C7: variants seen among roughly 807,000 people sequenced by gnomAD.
The protein encoded by C7 is complement C7.
C7 carries 83 observed loss-of-function variants against 104.8 expected under a neutral mutation model. The observed-to-expected ratio is 0.79, with a 90% CI of 0.66 to 0.95. C7 has a LOEUF of 0.95. C7 is among the 40% of genes least tolerant of loss of function. C7 has a pLI of 0.00. For missense variants in C7, 1,070 were observed against 1,011.2 expected (o/e 1.06, Z -0.79); for synonymous variants, 415 against 360.6 (o/e 1.15, Z -1.71).
At chr5:40,930,730 T>C (rs1052258978) in intron 2 of C7, among the ~76,000 whole-genome samples, 13 of 151,340 alleles carry the variant, frequency 8.6e-5, no homozygotes, top group Non-Finnish European at 3.0e-5. Context: ...GCCTGGCTAA[T>C]TTTTTTTGTA....
intron 9 of C7, 82 bp downstream of exon 9, chr5:40,950,096 A>T: frequency 2.6e-6 from 2 of 770,710 alleles, no homozygotes; most frequent in East Asian, 5.4e-5. Flanking sequence ...GCGTGAAGTT[A>T]TGTAGGTAAA....
At chr5:40,921,921 C>A (rs957721528) in intron 1 of C7, among the ~76,000 whole-genome samples, 2 of 151,572 alleles carry the variant, frequency 1.3e-5, no homozygotes, top group Non-Finnish European at 2.9e-5. Flanking sequence ...AACTGTAATC[C>A]CAGCTACTCA....
intron 6 of C7, 115 bp from the exon 7 acceptor site, chr5:40,945,083 T>G: frequency 1.6e-6 from 1 of 611,756 alleles, no homozygotes; most frequent in Non-Finnish European, 2.9e-6. Context: ...AGAGTCACAG[T>G]TGCTTTGTGC....
At chr5:40,943,593 T>C (rs945224789) in intron 6 of C7, among the ~76,000 whole-genome samples, 5 of 151,654 alleles carry the variant, frequency 3.3e-5, no homozygotes, top group Non-Finnish European at 7.4e-5. Flanking sequence ...AAGGGATGTG[T>C]ATAACTTTTC....
intron 17 of C7, among the ~76,000 whole-genome samples, chr5:40,980,951 G>A (rs1209791205): frequency 1.3e-5 from 2 of 152,162 alleles, no homozygotes; most frequent in African/African-American, 4.8e-5. Flanking sequence ...CTCATTTCTG[G>A]TTTGTTTTTT....
rs2111572128 is a variant in C7, at chr5:40,928,641, G to A, written c.62+6G>A. 2.6e-6 allele frequency: 4 copies of A among 1,526,222 alleles called. No individual in the cohort carries two copies. Among genetic ancestry groups the A allele is most frequent in the African/African-American group, 2.7e-5 (2 of 72,748 alleles). The allele number at this position is 1,526,222 out of a possible 1,614,324, so 94.5% of individuals were successfully genotyped here. On this transcript the variant is annotated splice_donor_region_variant and intron_variant, in intron 2 of 17. Transcript: ENST00000313164. ...GAGTTCCAAAGTTTTTCAAGGTGAG[G>A]ACTTTTTGGGTTGTGTGTAAAAATC...
chr5:40,941,816 T>C (rs1739942423), intron 6 of C7, among the ~76,000 whole-genome samples: 1 of 152,216 alleles, frequency 6.6e-6, no homozygotes, highest in Admixed American at 6.5e-5. Context: ...ATCTAAAGTA[T>C]GTCCAAGTGC....
intron 15 of C7, among the ~76,000 whole-genome samples, chr5:40,976,009 G>A (rs764993918): frequency 3.3e-5 from 5 of 152,212 alleles, no homozygotes; most frequent in Non-Finnish European, 7.3e-5. Flanking sequence ...TGAGGGGATG[G>A]CAGTCACATT....
chr5:40,917,582 G>A (rs1380680054), intron 1 of C7, among the ~76,000 whole-genome samples: 2 of 152,106 alleles, frequency 1.3e-5, no homozygotes, highest in African/African-American at 4.8e-5. Context: ...ATGCAGCAAT[G>A]AACATGGGAG....
intron 1 of C7, among the ~76,000 whole-genome samples, chr5:40,919,066 C>T (rs1474343069): frequency 1.3e-5 from 2 of 150,532 alleles, no homozygotes; most frequent in African/African-American, 4.9e-5. Context: ...GGACAGATAA[C>T]ATTTTAGGGG....
rs879324403 is a variant in C7 at position 40,924,760 on chromosome 5, G to A, written c.7-3820G>A. ...CCAAGGCTTACAGTTTGCACCTGCT[G>A]AAGCAGCAGCCCAAGCTGTATCTGG... On this transcript the variant is annotated intron_variant, in intron 1 of 17. Transcript: ENST00000313164. Among the ~76,000 whole-genome samples, 5 of 152,232 alleles carry A rather than the reference G, an allele frequency of 3.3e-5. No homozygotes were observed. The East Asian group carries it at 7.7e-4, about 23-fold the overall frequency.
Position 40,981,596 on chromosome 5 carries a change from T to G in C7, c.*23T>G. 6.3e-7 allele frequency: 1 copy of G among 1,580,426 alleles called. No individual in the cohort carries two copies. The highest frequency in any genetic ancestry group is 1.2e-5 in the South Asian group (1 of 86,902). On this transcript the variant is annotated 3_prime_UTR_variant, in exon 18 of 18. Transcript: ENST00000313164. ...TAGGCTCCTGGAGGCCCTGGTCAGC[T>G]TGCTTGGAATCCAGCAGGCAGCTGG...
At chr5:40,932,968 G>C (rs1319142748) in intron 3 of C7, among the ~76,000 whole-genome samples, 11 of 152,170 alleles carry the variant, frequency 7.2e-5, no homozygotes, top group Non-Finnish European at 1.3e-4. Context: ...TGGTAATATG[G>C]AGAAGAAAAA....
chr5:40,963,897 A>G (rs1346716210), intron 13 of C7, among the ~76,000 whole-genome samples: 1 of 152,138 alleles, frequency 6.6e-6, no homozygotes, highest in Non-Finnish European at 1.5e-5. Context: ...TGCTTCCCCT[A>G]AAAGTTATCA....
intron 6 of C7, among the ~76,000 whole-genome samples, 197 bp downstream of exon 6, chr5:40,937,887 G>A (rs1236898669): frequency 6.6e-6 from 1 of 152,116 alleles, no homozygotes; most frequent in African/African-American, 2.4e-5. Flanking sequence ...TTTAACATGT[G>A]TCATTCAAGC....
chr5:40,938,085 A>G (rs539122333), intron 6 of C7, among the ~76,000 whole-genome samples: 10 of 152,242 alleles, frequency 6.6e-5, no homozygotes, highest in Admixed American at 3.9e-4. Flanking sequence ...TTTCATATAT[A>G]CAAAAGGGTG....
intron 13 of C7, 53 bp downstream of exon 13, chr5:40,962,225 C>T (rs1286437060): frequency 2.9e-6 from 3 of 1,041,506 alleles, no homozygotes; most frequent in Admixed American, 4.5e-5. Context: ...TTCTATCTCT[C>T]TGCTGAGCCC....
rs150328693 is a variant in C7, at chr5:40,950,570, G to A, written c.1093+556G>A. Among the ~76,000 whole-genome samples, 521 of 152,194 alleles carry A rather than the reference G, an allele frequency of 3.4e-3. 1 individual carries two copies. The highest frequency in any genetic ancestry group is 0.012 in the African/African-American group (501 of 41,534). On this transcript the variant is annotated intron_variant, in intron 9 of 17. Transcript: ENST00000313164. ...CAAAGGCTTTTGAGGCTTTATCAGG[G>A]GTTCTGCTTTGTGTTTTAAAAAATC...
At chr5:40,938,144 C>T (rs1317519028) in intron 6 of C7, among the ~76,000 whole-genome samples, 1 of 152,070 alleles carries the variant, frequency 6.6e-6, no homozygotes, top group African/African-American at 2.4e-5. Context: ...TATATGCCCA[C>T]CATCTGCCTT....
Sources: allele counts gnomAD v4.1 joint callset (sites outside exome capture counted in the v4.1 genomes callset), GRCh38; gene constraint gnomAD v4.1.1; transcripts MANE v1.5; gene names NCBI Gene and HGNC (gene_info 2026-07-23, HGNC 2026-07-21).